The following DNM1 variants were observed in gnomAD, a reference collection of about 807,000 sequenced individuals.
The protein encoded by DNM1 is dynamin 1.
In DNM1, 29 loss-of-function variants were observed where a neutral mutation model predicts 104.6. The ratio of observed to expected loss-of-function variants is 0.28; its 90% CI spans 0.21 to 0.38. The LOEUF (loss-of-function observed/expected upper bound fraction) is 0.38, where lower values mean the gene tolerates loss of function less well. DNM1 is among the 10% of genes least tolerant of loss of function. The probability of loss-of-function intolerance (pLI) is 1.00; values close to 1 mark genes in which losing one functional copy is unlikely to be tolerated. For missense variants in DNM1, 640 were observed against 1,189.4 expected (o/e 0.54, Z 6.79); for synonymous variants, 445 against 475.8 (o/e 0.94, Z 0.84).
rs1015156201 is a variant in DNM1, at chr9:128,247,168, C to T, written c.1782-207C>T. ...ATTTTACCACTCACTTCACTGAATCCTCAGTGACCCAAGGAGGCAGGAATT... is the reference window on the plus strand; with the variant it reads ...ATTTTACCACTCACTTCACTGAATCTTCAGTGACCCAAGGAGGCAGGAATT... On this transcript the variant is annotated intron_variant, in intron 16 of 21. Coordinates refer to ENST00000372923, the MANE Select transcript of DNM1 (RefSeq NM_004408.4). This position sits in a 1 kb window ranked among gnomAD's most constrained non-coding sequence, Gnocchi z 5.1. The T allele has an allele frequency of 3.9e-5, 19 of 485,240 alleles. No homozygotes were observed. The highest frequency in any genetic ancestry group is 3.5e-4 in the African/African-American group (18 of 51,928). 30.1% of individuals were successfully genotyped at this position (485,240 alleles called of 1,614,324 possible).
chr9:128,207,338 C>T (rs540635530), intron 1 of DNM1, among the ~76,000 whole-genome samples: 18 of 151,782 alleles, frequency 1.2e-4, no homozygotes, highest in East Asian at 1.2e-3. Context: ...GATTTAAACC[C>T]GAGAGTAGAT....
chr9:128,216,453 G>A (rs1390384403), intron 1 of DNM1, among the ~76,000 whole-genome samples: 1 of 152,224 alleles, frequency 6.6e-6, no homozygotes, highest in Non-Finnish European at 1.5e-5. Context: ...TTTATTGAGT[G>A]CCCCTTGTGT....
chr9:128,254,392 C>T lies in DNM1; in HGVS notation c.2535-262C>T. The T allele has an allele frequency of 7.1e-7, 1 of 1,416,568 alleles. No homozygotes were observed. The highest frequency in any genetic ancestry group is 3.1e-5 in the Admixed American group (1 of 32,598). 87.7% of individuals were successfully genotyped at this position (1,416,568 alleles called of 1,614,324 possible). A position where few individuals can be genotyped will look rare whatever the true frequency, so the allele number is the denominator to read the frequency against. ...CCCTGCCTGGGTGCCGTGTGAGAGG[C>T]CAGCGTGTGTGGGGTGGGGAGGGCC... is the stretch of plus-strand genomic sequence containing the variant. On this transcript the variant is annotated intron_variant, in intron 21 of 21. Transcript: ENST00000372923. The surrounding 1 kb of genome is among the most constrained non-coding windows in gnomAD (Gnocchi z 6.1).
At position 128,222,229 on chromosome 9, in the gene DNM1, G is replaced by T; in HGVS notation, c.882G>T (p.Pro294=). Residue 294 remains proline (P), a synonymous_variant, in exon 7 of 22, where the codon CCG becomes CCT. Coordinates refer to ENST00000372923, the MANE Select transcript of DNM1 (RefSeq NM_004408.4). This position sits in a 1 kb window ranked among gnomAD's most constrained non-coding sequence, Gnocchi z 7.8. ...QLTNHIRDTL[P]GLRNKLQSQL... is the part of the protein sequence containing the mutation. ...CGAACCACATCCGGGACACACTGCC[G>T]GGGCTGCGGAACAAGCTGCAGAGCC... 5 of 1,614,076 alleles carry T rather than the reference G, an allele frequency of 3.1e-6. No homozygotes were observed. Among genetic ancestry groups the T allele is most frequent in the Non-Finnish European group, 4.2e-6 (5 of 1,179,978 alleles).
chr9:128,254,012 G>T lies in DNM1; in HGVS notation c.2535-642G>T. On this transcript the variant is annotated intron_variant, in intron 21 of 21. Transcript: ENST00000372923. The surrounding 1 kb of genome is among the most constrained non-coding windows in gnomAD (Gnocchi z 6.1). ...GCTCTTCTGCTTTTCCCAGCAGGAA[G>T]GGCCCAGCCTCACCTACGAGACCTG... The T allele has an allele frequency of 8.1e-7, 1 of 1,234,324 alleles. No individual in the cohort carries two copies. Among genetic ancestry groups the T allele is most frequent in the Non-Finnish European group, 1.0e-6 (1 of 989,650 alleles). The allele number at this position is 1,234,324 out of a possible 1,614,324, so 76.5% of individuals were successfully genotyped here. A position where few individuals can be genotyped will look rare whatever the true frequency, so the allele number is the denominator to read the frequency against.
chr9:128,248,452 TG>T lies in DNM1; in HGVS notation c.1906-130del. 1 of 996,214 alleles carries T rather than the reference TG, an allele frequency of 1.0e-6. No individual in the cohort carries two copies. The highest frequency in any genetic ancestry group is 1.5e-6 in the Non-Finnish European group (1 of 688,676). The allele number at this position is 996,214 out of a possible 1,614,324, so 61.7% of individuals were successfully genotyped here. A position where few individuals can be genotyped will look rare whatever the true frequency, so the allele number is the denominator to read the frequency against. On this transcript the variant is annotated intron_variant, in intron 18 of 21. Transcript: ENST00000372923. This position sits in a 1 kb window ranked among gnomAD's most constrained non-coding sequence, Gnocchi z 5.6. ...AGGCACAGGGATGCGGAGCCAGGTA[TG>T]TATTCAGGCCAGTCGCTTCTCTCTG...
intron 1 of DNM1, among the ~76,000 whole-genome samples, chr9:128,206,820 T>C (rs948035084): frequency 2.6e-5 from 4 of 151,756 alleles, no homozygotes; most frequent in Non-Finnish European, 5.9e-5. Flanking sequence ...GGAGTTTGGG[T>C]TTATTTTCTC....
Position 128,246,519 on chromosome 9 carries a change from T to G in DNM1, c.1781+16T>G. 1 of 1,601,262 alleles carries G rather than the reference T, an allele frequency of 6.2e-7. No homozygotes were observed. The highest frequency in any genetic ancestry group is 8.6e-7 in the Non-Finnish European group (1 of 1,168,616). On this transcript the variant is annotated intron_variant, in intron 16 of 21. Coordinates refer to ENST00000372923, the MANE Select transcript of DNM1 (RefSeq NM_004408.4). ...CGGAGCAGAGGTGCCTGCCTGCCCC[T>G]GGCTGTGGCTGCTGCAGCCCCAAAA...
Position 128,254,298 on chromosome 9 carries a change from G to A in DNM1, c.2535-356G>A. ...GCAAGGGGTGGCCCCAGGCCAGTGGGTTGGAAGACAGGGTGACCAGAGAAG... is the reference window on the plus strand; with the variant it reads ...GCAAGGGGTGGCCCCAGGCCAGTGGATTGGAAGACAGGGTGACCAGAGAAG... On this transcript the variant is annotated intron_variant, in intron 21 of 21. Transcript: ENST00000372923. The surrounding 1 kb of genome is among the most constrained non-coding windows in gnomAD (Gnocchi z 6.1). 7.2e-7 allele frequency: 1 copy of A among 1,388,828 alleles called. No homozygotes were observed. The highest frequency in any genetic ancestry group is 9.2e-7 in the Non-Finnish European group (1 of 1,081,692). The allele number at this position is 1,388,828 out of a possible 1,614,324, so 86.0% of individuals were successfully genotyped here.
At chr9:128,228,383 C>T (rs1205375907) in intron 10 of DNM1, among the ~76,000 whole-genome samples, 4 of 152,070 alleles carry the variant, frequency 2.6e-5, no homozygotes, top group South Asian at 2.1e-4. Context: ...CTATGTTGCC[C>T]AGGCTGCTCT....
In DNM1 at chr9:128,203,562, T is replaced by C; in HGVS notation, c.92T>C (p.Leu31Pro). 6.4e-7 allele frequency: 1 copy of C among 1,550,954 alleles called. No individual in the cohort carries two copies. The highest frequency in any genetic ancestry group is 8.7e-7 in the Non-Finnish European group (1 of 1,151,906). ...SAIGQNADLD[L>P]PQIAVVGGQS... ...ATCGGCCAGAACGCGGACCTCGACC[T>C]GCCGCAGATCGCTGTGGTGGGCGGC... Residue 31 changes from leucine (L) to proline (P), a missense_variant, in exon 1 of 22, where the codon CTG becomes CCG. Coordinates refer to ENST00000372923, the MANE Select transcript of DNM1 (RefSeq NM_004408.4). This position sits in a 1 kb window ranked among gnomAD's most constrained non-coding sequence, Gnocchi z 5.3.
rs1237959683 is a variant in DNM1 at position 128,208,969 on chromosome 9, C to T, written c.161+5338C>T. Among the ~76,000 whole-genome samples the T allele has an allele frequency of 3.3e-5, 5 of 152,188 alleles. No homozygotes were observed. In the East Asian group the frequency reaches 5.8e-4, roughly 18 times the overall value. On this transcript the variant is annotated intron_variant, in intron 1 of 21. Transcript: ENST00000372923. ...AAAGAGCCCAACGGGTTTGAGAACCCGGATGAAGGATGAAGGGCAGTGTGG... is the reference window on the plus strand; with the variant it reads ...AAAGAGCCCAACGGGTTTGAGAACCTGGATGAAGGATGAAGGGCAGTGTGG...
At position 128,222,647 on chromosome 9, in the gene DNM1, C is replaced by T. The variant is rs1835092044; in HGVS notation, c.1128+51C>T. The T allele has an allele frequency of 1.2e-6, 2 of 1,609,810 alleles. No individual in the cohort carries two copies. Among genetic ancestry groups the T allele is most frequent in the African/African-American group, 2.7e-5 (2 of 74,952 alleles). On this transcript the variant is annotated intron_variant, in intron 8 of 21. Coordinates refer to ENST00000372923, the MANE Select transcript of DNM1 (RefSeq NM_004408.4). The surrounding 1 kb of genome is among the most constrained non-coding windows in gnomAD (Gnocchi z 7.8). Reference sequence around the variant, plus strand: ...GATGGCTCAGGACTCCCCCCACCCTCACTCAGGACTCTCTCTGCGTGTGTT... The same window carrying T: ...GATGGCTCAGGACTCCCCCCACCCTTACTCAGGACTCTCTCTGCGTGTGTT...
Position 128,253,009 on chromosome 9 carries a change from C to T in DNM1, c.2535-1645C>T, listed in dbSNP as rs1280934277. 6.0e-5 allele frequency: 78 copies of T among 1,292,728 alleles called. No individual in the cohort carries two copies. Among genetic ancestry groups the T allele is most frequent in the Admixed American group, 2.6e-4 (15 of 58,668 alleles). The allele number at this position is 1,292,728 out of a possible 1,614,324, so 80.1% of individuals were successfully genotyped here. ...TGGGGCCTCACAGCATGTGTGTGCA[C>T]GCCCGGGCGTGTGCGTGTGTGTGTC... On this transcript the variant is annotated intron_variant, in intron 21 of 21. Transcript: ENST00000372923. The surrounding 1 kb of genome is among the most constrained non-coding windows in gnomAD (Gnocchi z 5.9).
chr9:128,225,470 C>T (rs2131186993), intron 10 of DNM1, among the ~76,000 whole-genome samples: 1 of 152,318 alleles, frequency 6.6e-6, no homozygotes, highest in South Asian at 2.1e-4. Context: ...TTGTGCAGTG[C>T]ATGGCCTGGG....
rs1447165970 is a variant in DNM1, at chr9:128,253,296, G to A, written c.2535-1358G>A. ...TTCCTCTTTCTGTCCTTGTGCCGCTGGCTCTCTCACCTCCCTTCCCTGCGA... is the reference window on the plus strand; with the variant it reads ...TTCCTCTTTCTGTCCTTGTGCCGCTAGCTCTCTCACCTCCCTTCCCTGCGA... On this transcript the variant is annotated intron_variant, in intron 21 of 21. Coordinates refer to ENST00000372923, the MANE Select transcript of DNM1 (RefSeq NM_004408.4). This position sits in a 1 kb window ranked among gnomAD's most constrained non-coding sequence, Gnocchi z 5.9. 7.3e-6 allele frequency: 5 copies of A among 689,580 alleles called. No homozygotes were observed. Among genetic ancestry groups the A allele is most frequent in the Admixed American group, 2.4e-5 (1 of 41,684 alleles). The allele number at this position is 689,580 out of a possible 1,614,324, so 42.7% of individuals were successfully genotyped here. A position where few individuals can be genotyped will look rare whatever the true frequency, so the allele number is the denominator to read the frequency against.
chr9:128,251,070 T>C, intron 21 of DNM1, 130 bp downstream of exon 21: 1 of 709,104 alleles, frequency 1.4e-6, no homozygotes, highest in Non-Finnish European at 2.4e-6. Context: ...AATCGGACTC[T>C]GGGTGCCGGA....
intron 1 of DNM1, among the ~76,000 whole-genome samples, chr9:128,205,598 G>C (rs1005053346): frequency 6.6e-6 from 1 of 152,210 alleles, no homozygotes; most frequent in African/African-American, 2.4e-5. Flanking sequence ...ACGTGTGGGT[G>C]GGTGGGCCTC....
rs1020297179 is a variant in DNM1, at chr9:128,224,693, G to T, written c.1335+304G>T. Among the ~76,000 whole-genome samples the T allele has an allele frequency of 6.6e-6, 1 of 152,028 alleles. No individual in the cohort carries two copies. The highest frequency in any genetic ancestry group is 2.4e-5 in the African/African-American group (1 of 41,408). ...AGAGAATAGGGCTTGAGGGGACCCT[G>T]AGCCCCCTCCCTGTCCTCGGAGGTG... On this transcript the variant is annotated intron_variant, in intron 10 of 21. Transcript: ENST00000372923. The surrounding 1 kb of genome is among the most constrained non-coding windows in gnomAD (Gnocchi z 4.3).
Sources: allele counts gnomAD v4.1 joint callset (sites outside exome capture counted in the v4.1 genomes callset), GRCh38; gene constraint gnomAD v4.1.1; non-coding constraint Gnocchi (gnomAD v3.1); transcripts MANE v1.5; gene names NCBI Gene and HGNC (gene_info 2026-07-23, HGNC 2026-07-21).